The following RORA variants were observed in gnomAD, a reference collection of about 807,000 sequenced individuals.
RORA encodes nuclear receptor ROR-alpha.
A neutral mutation model predicts 69.5 loss-of-function variants in RORA; 7 were observed. The observed-to-expected ratio is 0.10, with a 90% CI of 0.06 to 0.19. RORA has a LOEUF of 0.19. Among genes scored for constraint, RORA ranks in the 10% least tolerant of loss-of-function variants. RORA has a pLI of 1.00. For missense variants in RORA, 457 were observed against 663.0 expected, an observed-to-expected ratio of 0.69 and a Z score of 3.41; for synonymous variants, 261 against 240.8, an observed-to-expected ratio of 1.08 and a Z score of -0.78.
chr15:60,850,970 T>C (rs2073317486), intron 1 of RORA, among the ~76,000 whole-genome samples: 1 of 152,196 alleles, frequency 6.6e-6, no homozygotes, highest in African/African-American at 2.4e-5. Flanking sequence ...TTCATTCTTT[T>C]TCCCTCACAC....
chr15:60,583,222 G>A (rs2068241409), intron 2 of RORA, among the ~76,000 whole-genome samples: 1 of 152,226 alleles, frequency 6.6e-6, no homozygotes, highest in Admixed American at 6.5e-5. Flanking sequence ...CACGAAGGCA[G>A]CATTTGGTCT....
intron 1 of RORA, among the ~76,000 whole-genome samples, chr15:61,074,687 G>C (rs1295072433): frequency 2.0e-4 from 31 of 152,152 alleles, no homozygotes; most frequent in Admixed American, 2.0e-3. Context: ...GTAGACTCCT[G>C]GGAATATTTC....
chr15:60,854,452 A>T (rs777608091), intron 1 of RORA, among the ~76,000 whole-genome samples: 14 of 152,160 alleles, frequency 9.2e-5, no homozygotes, highest in Admixed American at 2.0e-4. Context: ...CCATCCAGGG[A>T]GAAAAATTTT....
chr15:61,163,381 A>G (rs529488970), intron 1 of RORA, among the ~76,000 whole-genome samples: 2 of 152,276 alleles, frequency 1.3e-5, no homozygotes, highest in South Asian at 2.1e-4. Flanking sequence ...ATATCTATTC[A>G]GAGGCAAGTC....
At chr15:60,992,255 A>G (rs1412599288) in intron 1 of RORA, among the ~76,000 whole-genome samples, 1 of 152,220 alleles carries the variant, frequency 6.6e-6, no homozygotes, top group Non-Finnish European at 1.5e-5. Context: ...GATTAAAACA[A>G]TTTCAACTAG....
intron 2 of RORA, among the ~76,000 whole-genome samples, chr15:60,640,183 A>C (rs1463322825): frequency 6.6e-6 from 1 of 152,202 alleles, no homozygotes; most frequent in Non-Finnish European, 1.5e-5. Flanking sequence ...AGTACATGGC[A>C]CTACTAAGTG....
intron 1 of RORA, among the ~76,000 whole-genome samples, chr15:61,165,240 C>T (rs553699279): frequency 2.0e-5 from 3 of 152,336 alleles, no homozygotes; most frequent in East Asian, 1.9e-4. Flanking sequence ...CAGTTTTCCA[C>T]GAGATTTGGG....
chr15:60,718,567 C>A (rs1451086368), intron 1 of RORA, among the ~76,000 whole-genome samples: 2 of 152,328 alleles, frequency 1.3e-5, no homozygotes, highest in East Asian at 3.9e-4. Context: ...CGGTTGTTAG[C>A]TAAATTTGAC....
At chr15:60,965,747 T>C (rs1226134046) in intron 1 of RORA, among the ~76,000 whole-genome samples, 9 of 152,102 alleles carry the variant, frequency 5.9e-5, no homozygotes, top group Non-Finnish European at 7.4e-5. Flanking sequence ...CAAGCACTGG[T>C]TTCTTTAATT....
intron 1 of RORA, among the ~76,000 whole-genome samples, chr15:61,208,239 T>C (rs1017453828): frequency 3.3e-5 from 5 of 152,268 alleles, no homozygotes; most frequent in African/African-American, 1.2e-4. Flanking sequence ...ACCAAGGTAC[T>C]GATCCATTTT....
chr15:60,539,732 T>C (rs1396337904), intron 2 of RORA, among the ~76,000 whole-genome samples: 2 of 152,164 alleles, frequency 1.3e-5, no homozygotes, highest in South Asian at 2.1e-4. Flanking sequence ...CTTTTTTTTT[T>C]CTTTTTGTTT....
intron 1 of RORA, among the ~76,000 whole-genome samples, chr15:60,703,285 T>G (rs1469755679): frequency 6.6e-6 from 1 of 152,198 alleles, no homozygotes; most frequent in Non-Finnish European, 1.5e-5. Context: ...GGCTTTACCC[T>G]CAACGCCCAT....
intron 1 of RORA, among the ~76,000 whole-genome samples, chr15:60,822,819 C>T (rs1447880239): frequency 1.3e-5 from 2 of 152,178 alleles, no homozygotes; most frequent in Admixed American, 1.3e-4. Flanking sequence ...CGTTTAAAGG[C>T]ACCACCCCCT....
chr15:60,533,470 TTC>T (rs1216624862), intron 2 of RORA, among the ~76,000 whole-genome samples: 54 of 151,340 alleles, frequency 3.6e-4, no homozygotes, highest in Non-Finnish European at 6.6e-4. Flanking sequence ...TTGGCTTGAC[TTC>T]TTCAAGAAAA....
intron 5 of RORA, among the ~76,000 whole-genome samples, chr15:60,507,591 T>C (rs1029633130): frequency 2.0e-5 from 3 of 152,166 alleles, no homozygotes; most frequent in African/African-American, 7.2e-5. Context: ...ATTACATGTC[T>C]TAGAATCAAT....
intron 1 of RORA, among the ~76,000 whole-genome samples, chr15:60,788,089 A>G (rs100018): frequency 0.085 from 12,996 of 152,278 alleles, 1,167 homozygotes; most frequent in African/African-American, 0.23. Flanking sequence ...GGAGCTGATC[A>G]TGTCTGAGAG....
chr15:61,152,966 C>A (rs780949045), intron 1 of RORA, among the ~76,000 whole-genome samples: 4 of 152,162 alleles, frequency 2.6e-5, no homozygotes, highest in Non-Finnish European at 5.9e-5. Context: ...GAGGGGTGAT[C>A]AATGTTCTTC....
At chr15:60,978,933 C>CAGGA (rs1288117465) in intron 1 of RORA, among the ~76,000 whole-genome samples, 1 of 146,068 alleles carries the variant, frequency 6.8e-6, no homozygotes, top group African/African-American at 2.5e-5. Flanking sequence ...GTTTTGAAAT[C>CAGGA]AGGAAGTGTG....
chr15:61,071,897 T>G (rs2078370884), intron 1 of RORA, among the ~76,000 whole-genome samples: 1 of 151,996 alleles, frequency 6.6e-6, no homozygotes, highest in Non-Finnish European at 1.5e-5. Flanking sequence ...AAGGATGTGT[T>G]GGGTGGGACA....
Sources: gnomAD v4.1 joint callset for allele counts (sites outside exome capture counted in the v4.1 genomes callset) on GRCh38, gnomAD v4.1.1 for gene constraint, MANE v1.5 for transcripts, NCBI Gene and HGNC (gene_info 2026-07-23, HGNC 2026-07-21) for gene names.